MASP1: variants seen among roughly 807,000 people sequenced by gnomAD.
MASP1 encodes the protein mannan-binding lectin serine protease 1.
A neutral mutation model predicts 77.1 loss-of-function variants in MASP1; 59 were observed. The ratio of observed to expected loss-of-function variants is 0.77; its 90% confidence interval spans 0.62 to 0.95. The LOEUF (loss-of-function observed/expected upper bound fraction) is 0.95. Among genes scored for constraint, MASP1 ranks in the 40% least tolerant of loss-of-function variants. The probability of loss-of-function intolerance (pLI) is 0.00; values close to 1 mark genes in which losing one functional copy is unlikely to be tolerated. For missense variants in MASP1, 885 were observed against 912.9 expected (o/e 0.97, Z 0.39); for synonymous variants, 362 against 354.5 (o/e 1.02, Z -0.24).
intron 2 of MASP1, among the ~76,000 whole-genome samples, chr3:187,265,774 A>C (rs1172492549): frequency 6.6e-6 from 1 of 152,214 alleles, no homozygotes; most frequent in Non-Finnish European, 1.5e-5. Flanking sequence ...AGAACCCACC[A>C]ACCCAGAGAG....
intron 2 of MASP1, among the ~76,000 whole-genome samples, chr3:187,279,566 G>A (rs1161194292): frequency 1.3e-5 from 2 of 152,212 alleles, no homozygotes; most frequent in African/African-American, 4.8e-5. Context: ...GATTTGGGGA[G>A]CACATGCTTA....
At chr3:187,220,922 C>G (rs901439041) in intron 15 of MASP1, 2 of 793,456 alleles carry the variant, frequency 2.5e-6, no homozygotes, top group East Asian at 5.1e-5. Context: ...TCCAGTCCCC[C>G]GCGCCCCCAC....
Position 187,279,054 on chromosome 3 carries a change from T to A in MASP1, c.237+6771A>T, listed in dbSNP as rs545026345. ...GCTAAAAGATGCCAGGCAGAAAACA[T>A]AAATGAGTGAAACAAGCTGCTATGA... On this transcript the variant is annotated intron_variant, in intron 2 of 10. Transcript: ENST00000296280. 1.0e-3 allele frequency among the ~76,000 whole-genome samples: 154 copies of A among 149,630 alleles called. 1 individual carries two copies. The highest frequency in any genetic ancestry group is 3.0e-3 in the South Asian group (14 of 4,696).
chr3:187,219,259 T>G (rs3843010), exon 16 of MASP1: 80,599 of 152,036 alleles, frequency 0.53, 22,755 homozygotes, highest in East Asian at 0.66. Flanking sequence ...GTCAGAGCTT[T>G]GAGGACCCTT....
In MASP1 at chr3:187,276,029, C is replaced by T. The variant is rs188778722; in HGVS notation, c.237+9796G>A. 2.0e-5 allele frequency among the ~76,000 whole-genome samples: 3 copies of T among 152,108 alleles called. No homozygotes were observed. In the East Asian group the frequency reaches 5.8e-4, roughly 29 times the overall value. On this transcript the variant is annotated intron_variant, in intron 2 of 10. Coordinates refer to ENST00000296280, the MANE Select transcript of MASP1 (RefSeq NM_139125.4). ...TGTTCCTGCCCTCCAGCCACACTGCCATCCTTGCTATTCTTCAAACACACC... is the reference window on the plus strand; with the variant it reads ...TGTTCCTGCCCTCCAGCCACACTGCTATCCTTGCTATTCTTCAAACACACC...
intron 14 of MASP1, chr3:187,222,999 T>A: frequency 1.3e-6 from 1 of 785,066 alleles, no homozygotes; most frequent in Non-Finnish European, 2.2e-6. Flanking sequence ...GAGGTGGGTC[T>A]GGGCTCCTAG....
downstream of MASP1, among the ~76,000 whole-genome samples, chr3:187,230,979 A>G (rs1342884560): frequency 6.6e-6 from 1 of 152,160 alleles, no homozygotes; most frequent in Non-Finnish European, 1.5e-5. Context: ...GGAGAATATC[A>G]CAGATAAATG....
intron 2 of MASP1, among the ~76,000 whole-genome samples, chr3:187,271,641 G>A (rs1716526114): frequency 6.9e-6 from 1 of 145,112 alleles, no homozygotes; most frequent in Admixed American, 6.8e-5. Flanking sequence ...TGGAACTATA[G>A]GTAATTTTTC....
chr3:187,255,765 C>T (rs922363247), intron 5 of MASP1, among the ~76,000 whole-genome samples: 3 of 152,108 alleles, frequency 2.0e-5, no homozygotes, highest in African/African-American at 7.2e-5. Flanking sequence ...TTTTCTGGCT[C>T]TTTCTGACCT....
At chr3:187,225,148 C>G (rs1712338004) in intron 13 of MASP1, among the ~76,000 whole-genome samples, 1 of 152,170 alleles carries the variant, frequency 6.6e-6, no homozygotes, top group Non-Finnish European at 1.5e-5. Context: ...TATGTGCTTC[C>G]CACAACTTTT....
intron 3 of MASP1, 132 bp from the exon 4 acceptor site, chr3:187,261,004 A>G (rs990659683): frequency 9.4e-7 from 1 of 1,064,540 alleles, no homozygotes; most frequent in Non-Finnish European, 1.4e-6. Context: ...TAATCCTCTC[A>G]TACAGCCCAG....
At chr3:187,254,948 G>T (rs778532509) in intron 5 of MASP1, among the ~76,000 whole-genome samples, 5 of 152,130 alleles carry the variant, frequency 3.3e-5, no homozygotes, top group Non-Finnish European at 7.4e-5. Context: ...GCCCCAAGAG[G>T]TTGTGTGCTT....
At chr3:187,225,298 G>A (rs1218291253) in intron 13 of MASP1, 1 of 1,611,602 alleles carries the variant, frequency 6.2e-7, no homozygotes, top group South Asian at 1.1e-5. Context: ...CAGCTGCCCT[G>A]CAGAGGTGGA....
At position 187,223,165 on chromosome 3, in the gene MASP1, TC is replaced by T. The variant is rs533160857; in HGVS notation, c.1770del (p.Lys591SerfsTer11). 2.3e-4 allele frequency: 378 copies of T among 1,614,058 alleles called. 2 individuals are homozygous for T. The highest frequency in any genetic ancestry group is 8.3e-4 in the Admixed American group (50 of 60,014). On this transcript the variant is annotated frameshift_variant, in exon 14 of 16. Coordinates refer to the MASP1 transcript ENST00000337774. LOFTEE classifies it high-confidence loss of function. The stretch of plus-strand genomic sequence containing the variant: ...TCTGGGAACCTTTGCAAGAACTGCT[TC>T]CCCCAGCCGCTGACGATGACCATGG...
chr3:187,291,675 C>T lies in MASP1; in HGVS notation c.-43G>A, dbSNP rs1560043802. On this transcript the variant is annotated 5_prime_UTR_variant, in exon 1 of 11. Transcript: ENST00000296280. ...TCCCGGCTGCCCGGCCTTGGTCCTC[C>T]CAGCTTGACTTGCCTGTGAGCTCGT... 7 of 1,614,092 alleles carry T rather than the reference C, an allele frequency of 4.3e-6. No individual in the cohort carries two copies. Among genetic ancestry groups the T allele is most frequent in the Non-Finnish European group, 4.2e-6 (5 of 1,179,916 alleles).
intron 2 of MASP1, among the ~76,000 whole-genome samples, chr3:187,263,769 C>A (rs72550738): frequency 9.2e-5 from 14 of 152,042 alleles, no homozygotes; most frequent in African/African-American, 3.4e-4. Context: ...AGGCCCTGTG[C>A]GAATTCAGAG....
At chr3:187,277,468 A>G (rs187488015) in intron 2 of MASP1, among the ~76,000 whole-genome samples, 39 of 152,322 alleles carry the variant, frequency 2.6e-4, no homozygotes, top group South Asian at 2.1e-3. Flanking sequence ...AGAGAACGTT[A>G]TTTAAAATAA....
At chr3:187,286,114 T>C (rs1717839623) in intron 1 of MASP1, 58 bp from the exon 2 acceptor site, 1 of 1,346,162 alleles carries the variant, frequency 7.4e-7, no homozygotes, top group Non-Finnish European at 1.1e-6. Flanking sequence ...CTGCCATTCA[T>C]CTCAATCACA....
At chr3:187,241,215 T>C (rs993969533) in intron 10 of MASP1, among the ~76,000 whole-genome samples, 66 of 152,272 alleles carry the variant, frequency 4.3e-4, no homozygotes, top group African/African-American at 1.5e-3. Context: ...ACATGCAAAC[T>C]GTGTTATATG....
Sources: gnomAD v4.1 joint callset for allele counts (sites outside exome capture counted in the v4.1 genomes callset) on GRCh38, gnomAD v4.1.1 for gene constraint, MANE v1.5 for transcripts, NCBI Gene and HGNC (gene_info 2026-07-23, HGNC 2026-07-21) for gene names.